Variants in IL15RA observed in about 807,000 individuals in gnomAD.
IL15RA encodes interleukin-15 receptor subunit alpha.
In IL15RA, 26 loss-of-function variants were observed where a neutral mutation model predicts 24.2. That is an observed-to-expected ratio of 1.07 (90% confidence interval 0.79 to 1.49). IL15RA has a LOEUF of 1.49. IL15RA is among the 40% of genes most tolerant of loss of function. The probability of loss-of-function intolerance (pLI) is 0.00; values close to 1 mark genes in which losing one functional copy is unlikely to be tolerated. For synonymous variants in IL15RA, 166 were observed against 157.6 expected (o/e 1.05, Z -0.40); for missense variants, 354 against 356.4 (o/e 0.99, Z 0.05).
Position 5,959,062 on chromosome 10 carries a change from A to G in IL15RA, c.616+692T>C, listed in dbSNP as rs1209076333. Among the ~76,000 whole-genome samples the G allele has an allele frequency of 6.6e-6, 1 of 151,266 alleles. No individual in the cohort carries two copies. The highest frequency in any genetic ancestry group is 1.5e-5 in the Non-Finnish European group (1 of 67,882). ...CCTTTTCCTCCTTATCATCACTTGC[A>G]CGTTCTCTTTTCTATTCTCCTAGCC... On this transcript the variant is annotated intron_variant, in intron 5 of 6. Coordinates refer to ENST00000379977, the MANE Select transcript of IL15RA (RefSeq NM_002189.4). This position sits in a 1 kb window ranked among gnomAD's most constrained non-coding sequence, Gnocchi z 4.1.
Position 5,961,534 on chromosome 10 carries a change from A to G in IL15RA, c.383-967T>C, listed in dbSNP as rs1042181022. ...GCAGGTGAAGCTGCGCTGGCCGAGG[A>G]CGCTCGGAGCGGCTGCGTGTGAAAC... On this transcript the variant is annotated intron_variant, in intron 3 of 6. Transcript: ENST00000379977. The surrounding 1 kb of genome is among the most constrained non-coding windows in gnomAD (Gnocchi z 5.2). Among the ~76,000 whole-genome samples the G allele has an allele frequency of 1.3e-5, 2 of 152,354 alleles. No homozygotes were observed. Among genetic ancestry groups the G allele is most frequent in the South Asian group, 4.1e-4 (2 of 4,826 alleles).
At position 5,955,723 on chromosome 10, in the gene IL15RA, T is replaced by C. The variant is rs1488716073; in HGVS notation, c.692+656A>G. On this transcript the variant is annotated intron_variant, in intron 6 of 6. Coordinates refer to ENST00000379977, the MANE Select transcript of IL15RA (RefSeq NM_002189.4). This position sits in a 1 kb window ranked among gnomAD's most constrained non-coding sequence, Gnocchi z 5.3. ...CAAAATTAAGGCTAACATGAATCAG[T>C]ATATTTATAAGAAGGCATACCCCTA... 1.3e-5 allele frequency among the ~76,000 whole-genome samples: 2 copies of C among 152,180 alleles called. No homozygotes were observed. Among genetic ancestry groups the C allele is most frequent in the Admixed American group, 6.5e-5 (1 of 15,282 alleles).
chr10:5,975,842 G>A lies in IL15RA; in HGVS notation c.88+1563C>T, dbSNP rs973207890. 2.6e-5 allele frequency among the ~76,000 whole-genome samples: 4 copies of A among 152,140 alleles called. No individual in the cohort carries two copies. The highest frequency in any genetic ancestry group is 9.7e-5 in the African/African-American group (4 of 41,434). ...CAGGAGGCGGAGGTTGCAGTGAGCT[G>A]AGATCGCGCTACTGCACCCCAGCCG... On this transcript the variant is annotated intron_variant, in intron 1 of 6. Coordinates refer to ENST00000379977, the MANE Select transcript of IL15RA (RefSeq NM_002189.4). This position sits in a 1 kb window ranked among gnomAD's most constrained non-coding sequence, Gnocchi z 4.8.
chr10:5,969,224 TTTAAA>T (rs964343578), intron 1 of IL15RA, among the ~76,000 whole-genome samples: 1 of 150,348 alleles, frequency 6.7e-6, no homozygotes, highest in Non-Finnish European at 1.5e-5. Flanking sequence ...TTTTTTTGTT[TTTAAA>T]TTAAATTAAA....
At chr10:5,949,362 A>G (rs568849684), downstream of IL15RA, 27 of 470,938 alleles carry the variant, frequency 5.7e-5, 1 homozygote, top group South Asian at 4.2e-4. The surrounding 1 kb of genome is among the most constrained non-coding windows in gnomAD (Gnocchi z 4.4). Context: ...TAAAGTGTCA[A>G]TTAAATCCCC....
rs1162364483 is a variant in IL15RA at position 5,960,595 on chromosome 10, C to A, written c.383-28G>T. Reference sequence around the variant, plus strand: ...GTAGGAGAGTCCAAGGCAGGGACAACATCAGTGTGCAGACTCCCCTCCTCT... The same window carrying A: ...GTAGGAGAGTCCAAGGCAGGGACAAAATCAGTGTGCAGACTCCCCTCCTCT... On this transcript the variant is annotated intron_variant, in intron 3 of 6. Transcript: ENST00000379977. This position sits in a 1 kb window ranked among gnomAD's most constrained non-coding sequence, Gnocchi z 5.1. The A allele has an allele frequency of 6.3e-7, 1 of 1,596,416 alleles. No homozygotes were observed.
At position 5,959,889 on chromosome 10, in the gene IL15RA, T is replaced by C. The variant is rs1324976660; in HGVS notation, c.584-103A>G. ...TGGCTTGGCTCCCATCTTAGCACCCTGGGAGACTCGTGGCTGGCGTAACCA... is the reference window on the plus strand; with the variant it reads ...TGGCTTGGCTCCCATCTTAGCACCCCGGGAGACTCGTGGCTGGCGTAACCA... On this transcript the variant is annotated intron_variant, in intron 4 of 6. Transcript: ENST00000379977. The surrounding 1 kb of genome is among the most constrained non-coding windows in gnomAD (Gnocchi z 4.1). 2 of 1,099,060 alleles carry C rather than the reference T, an allele frequency of 1.8e-6. No individual in the cohort carries two copies. The highest frequency in any genetic ancestry group is 2.4e-5 in the East Asian group (1 of 41,016). The allele number at this position is 1,099,060 out of a possible 1,614,324, so 68.1% of individuals were successfully genotyped here. A position where few individuals can be genotyped will look rare whatever the true frequency, so the allele number is the denominator to read the frequency against.
Position 5,966,419 on chromosome 10 carries a change from T to G in IL15RA, c.89-80A>C. On this transcript the variant is annotated intron_variant, in intron 1 of 6. Coordinates refer to ENST00000379977, the MANE Select transcript of IL15RA (RefSeq NM_002189.4). The surrounding 1 kb of genome is among the most constrained non-coding windows in gnomAD (Gnocchi z 6.4). ...GTTCTCCAGGCACACGCAGCGGTAG[T>G]CAGTGTCCAGCTTATCCTAGGGGTG... The G allele has an allele frequency of 1.2e-4, 148 of 1,213,100 alleles. No individual in the cohort carries two copies. The highest frequency in any genetic ancestry group is 2.7e-4 in the Middle Eastern group (1 of 3,670). The allele number at this position is 1,213,100 out of a possible 1,614,324, so 75.1% of individuals were successfully genotyped here.
rs1359369996 is a variant in IL15RA at position 5,963,597 on chromosome 10, T to A, written c.382+146A>T. 2.1e-6 allele frequency: 1 copy of A among 480,478 alleles called. No homozygotes were observed. Among genetic ancestry groups the A allele is most frequent in the Non-Finnish European group, 3.7e-6 (1 of 272,432 alleles). The allele number at this position is 480,478 out of a possible 1,614,324, so 29.8% of individuals were successfully genotyped here. On this transcript the variant is annotated intron_variant, in intron 3 of 6. Transcript: ENST00000379977. This position sits in a 1 kb window ranked among gnomAD's most constrained non-coding sequence, Gnocchi z 5.3. ...AAAAAGAAAATTAAGTTGGACGTTC[T>A]TATTCTTGATTGAATAAGACGTTTG... is the stretch of plus-strand genomic sequence containing the variant.
rs1213240346 is a variant in IL15RA, at chr10:5,967,112, A to C, written c.89-773T>G. ...TCTCCCACCTCCATCTCAAAAATCCACTCCCTTGTGTGTGCACATGTGTGT... is the reference window on the plus strand; with the variant it reads ...TCTCCCACCTCCATCTCAAAAATCCCCTCCCTTGTGTGTGCACATGTGTGT... On this transcript the variant is annotated intron_variant, in intron 1 of 6. Transcript: ENST00000379977. The surrounding 1 kb of genome is among the most constrained non-coding windows in gnomAD (Gnocchi z 4.4). Among the ~76,000 whole-genome samples the C allele has an allele frequency of 1.3e-5, 2 of 151,478 alleles. No individual in the cohort carries two copies. Among genetic ancestry groups the C allele is most frequent in the African/African-American group, 4.9e-5 (2 of 41,132 alleles).
At chr10:5,951,318 G>C (rs3181149), downstream of IL15RA, among the ~76,000 whole-genome samples, 4,173 of 151,148 alleles carry the variant, frequency 0.028, 95 homozygotes, top group African/African-American at 0.066. Context: ...GTGAGACTCT[G>C]TCCCCTCCCC....
At position 5,973,766 on chromosome 10, in the gene IL15RA, T is replaced by C. The variant is rs1448933809; in HGVS notation, c.88+3639A>G. Among the ~76,000 whole-genome samples the C allele has an allele frequency of 6.6e-6, 1 of 152,130 alleles. No individual in the cohort carries two copies. Among genetic ancestry groups the C allele is most frequent in the Non-Finnish European group, 1.5e-5 (1 of 68,008 alleles). ...CCTTTGTAACCTTAGGCTAGGCAAA[T>C]ATTTCTTAGATATGACACCAAAAGC... On this transcript the variant is annotated intron_variant, in intron 1 of 6. Coordinates refer to ENST00000379977, the MANE Select transcript of IL15RA (RefSeq NM_002189.4). The surrounding 1 kb of genome is among the most constrained non-coding windows in gnomAD (Gnocchi z 4.5).
At position 5,964,554 on chromosome 10, in the gene IL15RA, C is replaced by T. The variant is rs541996755; in HGVS notation, c.284-713G>A. Among the ~76,000 whole-genome samples, 3 of 151,670 alleles carry T rather than the reference C, an allele frequency of 2.0e-5. No homozygotes were observed. The highest frequency in any genetic ancestry group is 1.9e-4 in the East Asian group (1 of 5,176). ...CAGAGGGAGTTGTGAGTGATCAGAA[C>T]GTGGAAGGATCCTTTGGGCTAGGTG... On this transcript the variant is annotated intron_variant, in intron 2 of 6. Coordinates refer to ENST00000379977, the MANE Select transcript of IL15RA (RefSeq NM_002189.4). The surrounding 1 kb of genome is among the most constrained non-coding windows in gnomAD (Gnocchi z 5.6).
At position 5,960,619 on chromosome 10, in the gene IL15RA, C is replaced by A; in HGVS notation, c.383-52G>T. 6.7e-7 allele frequency: 1 copy of A among 1,493,878 alleles called. No homozygotes were observed. The highest frequency in any genetic ancestry group is 2.3e-5 in the East Asian group (1 of 43,838). The allele number at this position is 1,493,878 out of a possible 1,614,324, so 92.5% of individuals were successfully genotyped here. On this transcript the variant is annotated intron_variant, in intron 3 of 6. Coordinates refer to ENST00000379977, the MANE Select transcript of IL15RA (RefSeq NM_002189.4). This position sits in a 1 kb window ranked among gnomAD's most constrained non-coding sequence, Gnocchi z 5.1. Reference sequence around the variant, plus strand: ...ACATCAGTGTGCAGACTCCCCTCCTCTCAGCTGCAGCACGGGGTGATGTGG... The same window carrying A: ...ACATCAGTGTGCAGACTCCCCTCCTATCAGCTGCAGCACGGGGTGATGTGG...
Position 5,966,404 on chromosome 10 carries a change from C to T in IL15RA, c.89-65G>A. On this transcript the variant is annotated intron_variant, in intron 1 of 6. Coordinates refer to ENST00000379977, the MANE Select transcript of IL15RA (RefSeq NM_002189.4). The surrounding 1 kb of genome is among the most constrained non-coding windows in gnomAD (Gnocchi z 6.4). The stretch of plus-strand genomic sequence containing the variant: ...CCACTTGTAAGAGGCGTTCTCCAGG[C>T]ACACGCAGCGGTAGTCAGTGTCCAG... The T allele has an allele frequency of 7.3e-7, 1 of 1,367,470 alleles. No homozygotes were observed. Among genetic ancestry groups the T allele is most frequent in the Non-Finnish European group, 1.0e-6 (1 of 971,222 alleles). 84.7% of individuals were successfully genotyped at this position (1,367,470 alleles called of 1,614,324 possible).
chr10:5,953,756 G>C lies in IL15RA; in HGVS notation c.693-550C>G. 4.9e-6 allele frequency: 1 copy of C among 203,384 alleles called. No homozygotes were observed. Among genetic ancestry groups the C allele is most frequent in the South Asian group, 1.0e-4 (1 of 9,842 alleles). The allele number at this position is 203,384 out of a possible 1,614,324, so 12.6% of individuals were successfully genotyped here. A position where few individuals can be genotyped will look rare whatever the true frequency, so the allele number is the denominator to read the frequency against. ...AATATTCATGAAGCTTTTAAAAACA[G>C]TTCTTAGCACTTAGTATGTGTGAAA... On this transcript the variant is annotated intron_variant, in intron 6 of 6. Transcript: ENST00000379977. This position sits in a 1 kb window ranked among gnomAD's most constrained non-coding sequence, Gnocchi z 5.3.
chr10:5,972,706 T>G (rs1264481567), intron 1 of IL15RA, among the ~76,000 whole-genome samples: 1 of 152,230 alleles, frequency 6.6e-6, no homozygotes, highest in Non-Finnish European at 1.5e-5. Flanking sequence ...CTTGATCTTC[T>G]TCTAGTAAAA....
rs1278680914 is a variant in IL15RA at position 5,973,100 on chromosome 10, T to G, written c.88+4305A>C. ...TTGCTTCTGGCCATCGCCCGCAATCTTTCAGACTGAAATGCTCTCTAAGAA... is the reference window on the plus strand; with the variant it reads ...TTGCTTCTGGCCATCGCCCGCAATCGTTCAGACTGAAATGCTCTCTAAGAA... On this transcript the variant is annotated intron_variant, in intron 1 of 6. Transcript: ENST00000379977. The surrounding 1 kb of genome is among the most constrained non-coding windows in gnomAD (Gnocchi z 4.5). 6.6e-6 allele frequency among the ~76,000 whole-genome samples: 1 copy of G among 152,236 alleles called. No homozygotes were observed. Among genetic ancestry groups the G allele is most frequent in the Admixed American group, 6.5e-5 (1 of 15,274 alleles).
At position 5,968,603 on chromosome 10, in the gene IL15RA, C is replaced by T; in HGVS notation, c.89-2264G>A. The stretch of plus-strand genomic sequence containing the variant: ...CTGTTGCTATGGTTACCTGCAGAGC[C>T]CCACTGGCTTTGAGGCCTCTGGTGC... On this transcript the variant is annotated intron_variant, in intron 1 of 6. Coordinates refer to ENST00000379977, the MANE Select transcript of IL15RA (RefSeq NM_002189.4). The surrounding 1 kb of genome is among the most constrained non-coding windows in gnomAD (Gnocchi z 5.4). 2 of 591,370 alleles carry T rather than the reference C, an allele frequency of 3.4e-6. No homozygotes were observed. The highest frequency in any genetic ancestry group is 6.0e-6 in the Non-Finnish European group (2 of 331,400). The allele number at this position is 591,370 out of a possible 1,614,324, so 36.6% of individuals were successfully genotyped here. A position where few individuals can be genotyped will look rare whatever the true frequency, so the allele number is the denominator to read the frequency against.
Sources: gnomAD v4.1 joint callset for allele counts (sites outside exome capture counted in the v4.1 genomes callset) on GRCh38, gnomAD v4.1.1 for gene constraint, Gnocchi (gnomAD v3.1) non-coding constraint, MANE v1.5 for transcripts, NCBI Gene and HGNC (gene_info 2026-07-23, HGNC 2026-07-21) for gene names.